Variants in GBE1 observed in about 807,000 individuals in gnomAD.
The protein encoded by GBE1 is 1,4-alpha-glucan branching enzyme 1, also known as 1,4-alpha-glucan-branching enzyme.
Under a neutral mutation model 88.8 loss-of-function variants are expected in GBE1, and 70 were observed. The ratio of observed to expected loss-of-function variants is 0.79; its 90% CI spans 0.65 to 0.96. The LOEUF (loss-of-function observed/expected upper bound fraction) is 0.96, where lower values mean the gene tolerates loss of function less well. GBE1 is among the 40% of genes least tolerant of loss of function. The pLI is 0.00. For synonymous variants in GBE1, 284 were observed against 300.1 expected, an observed-to-expected ratio of 0.95 and a Z score of 0.56; for missense variants, 872 against 871.0, an observed-to-expected ratio of 1.00 and a Z score of -0.01.
At position 81,642,974 on chromosome 3, in the gene GBE1, C is replaced by G; in HGVS notation, c.799G>C (p.Glu267Gln). The part of the protein sequence containing the change: ...FAASSRYGTP[E>Q]ELQELVDTAH... ...GTGTCTACCAGTTCTTGTAGCTCTTCAGGTGTTCCATAACGGCTAACAATG... is the reference window on the plus strand; with the variant it reads ...GTGTCTACCAGTTCTTGTAGCTCTTGAGGTGTTCCATAACGGCTAACAATG... The change falls in exon 7 of 16, where the codon GAA becomes CAA. Residue 267 changes from glutamate to glutamine, a missense_variant. By Grantham distance (29) the Glu-to-Gln change is conservative. Transcript: ENST00000429644. 1 of 1,609,448 alleles carries G rather than the reference C, an allele frequency of 6.2e-7. No homozygotes were observed. The highest frequency in any genetic ancestry group is 8.5e-7 in the Non-Finnish European group (1 of 1,177,158).
intron 1 of GBE1, among the ~76,000 whole-genome samples, chr3:81,760,704 C>T (rs1445736932): frequency 6.6e-6 from 1 of 152,190 alleles, no homozygotes; most frequent in Non-Finnish European, 1.5e-5. Context: ...ACGACATTGG[C>T]CTGTAAAAGT....
At chr3:81,718,380 A>G (rs2107186144) in intron 1 of GBE1, among the ~76,000 whole-genome samples, 1 of 152,356 alleles carries the variant, frequency 6.6e-6, no homozygotes, top group South Asian at 2.1e-4. Flanking sequence ...TATCTTATGG[A>G]GTACTTACTA....
chr3:81,731,890 T>C (rs1371532577), intron 1 of GBE1, among the ~76,000 whole-genome samples: 6 of 152,160 alleles, frequency 3.9e-5, no homozygotes, highest in African/African-American at 9.7e-5. Flanking sequence ...TATTTCTTTA[T>C]AGTAGTGTGA....
intron 12 of GBE1, among the ~76,000 whole-genome samples, chr3:81,568,787 T>C (rs979392281): frequency 1.3e-5 from 2 of 151,860 alleles, no homozygotes; most frequent in Non-Finnish European, 2.9e-5. Flanking sequence ...TGTGTGTGTA[T>C]ATATATATAT....
chr3:81,591,457 T>TA (rs1338194557), intron 8 of GBE1, among the ~76,000 whole-genome samples: 2 of 152,284 alleles, frequency 1.3e-5, no homozygotes, highest in Admixed American at 6.5e-5. Flanking sequence ...GAAATCATAC[T>TA]AAAGGGAATT....
At chr3:81,757,277 A>G (rs1299788576) in intron 1 of GBE1, among the ~76,000 whole-genome samples, 1 of 152,172 alleles carries the variant, frequency 6.6e-6, no homozygotes, top group Non-Finnish European at 1.5e-5. Context: ...GTCAACAGGG[A>G]CCAGATAATG....
chr3:81,528,622 T>C (rs1440870674), intron 14 of GBE1, among the ~76,000 whole-genome samples: 2 of 152,054 alleles, frequency 1.3e-5, no homozygotes, highest in East Asian at 3.9e-4. Flanking sequence ...TCTCTCTCTT[T>C]AGCTCTAATA....
At chr3:81,507,455 T>C (rs1702669607) in intron 14 of GBE1, among the ~76,000 whole-genome samples, 3 of 151,890 alleles carry the variant, frequency 2.0e-5, no homozygotes, top group African/African-American at 4.8e-5. Flanking sequence ...TCCCAGCTAC[T>C]TGGGAGGCTG....
intron 14 of GBE1, among the ~76,000 whole-genome samples, chr3:81,526,360 G>T (rs533907746): frequency 6.6e-6 from 1 of 151,236 alleles, no homozygotes; most frequent in South Asian, 2.1e-4. Flanking sequence ...AGTGTTGGAA[G>T]TTCTGGCCAG....
At position 81,599,231 on chromosome 3, in the gene GBE1, T is replaced by C. The variant is rs143250029; in HGVS notation, c.993-5208A>G. Among the ~76,000 whole-genome samples, 964 of 152,232 alleles carry C rather than the reference T, an allele frequency of 6.3e-3. 6 individuals carry two copies. Among genetic ancestry groups the C allele is most frequent in the African/African-American group, 0.018 (739 of 41,540 alleles). On this transcript the variant is annotated intron_variant, in intron 7 of 15. Coordinates refer to ENST00000429644, the MANE Select transcript of GBE1 (RefSeq NM_000158.4). ...CTAATTTAACCTGCATTCTTAAAAA[T>C]TGGTTATCTGCCACGTAAGATTCAC... is the stretch of plus-strand genomic sequence containing the variant.
rs145385050 is a variant in GBE1 at position 81,667,816 on chromosome 3, A to C, written c.429+3022T>G. 3.9e-3 allele frequency among the ~76,000 whole-genome samples: 596 copies of C among 152,278 alleles called. 11 individuals carry two copies. Among genetic ancestry groups the C allele is most frequent in the Admixed American group, 0.03 (462 of 15,294 alleles). On this transcript the variant is annotated intron_variant, in intron 3 of 15. Coordinates refer to ENST00000429644, the MANE Select transcript of GBE1 (RefSeq NM_000158.4). ...GAAACTAACTTGATCTTGATGGATA[A>C]GCTTTTCTGATGTGCTGCTGGATTC...
intron 12 of GBE1, among the ~76,000 whole-genome samples, chr3:81,575,247 T>C (rs1041027522): frequency 2.0e-5 from 3 of 151,982 alleles, no homozygotes; most frequent in Non-Finnish European, 2.9e-5. Context: ...CCTTCTATAT[T>C]CAATTATTTC....
intron 6 of GBE1, 55 bp from the exon 7 acceptor site, chr3:81,643,045 C>T: frequency 1.7e-6 from 2 of 1,172,748 alleles, no homozygotes; most frequent in Non-Finnish European, 2.5e-6. Flanking sequence ...GAGGAAACAG[C>T]CGATTGTGCA....
intron 12 of GBE1, among the ~76,000 whole-genome samples, chr3:81,564,051 C>T (rs1344574519): frequency 1.3e-5 from 2 of 152,060 alleles, no homozygotes; most frequent in Non-Finnish European, 2.9e-5. Context: ...AATGGAACAG[C>T]ATTAAGAGAT....
At chr3:81,535,858 A>G (rs1231299292) in intron 13 of GBE1, among the ~76,000 whole-genome samples, 1 of 152,052 alleles carries the variant, frequency 6.6e-6, no homozygotes, top group Admixed American at 6.6e-5. Context: ...TTTCTTAATA[A>G]AAAGATAAGG....
intron 1 of GBE1, among the ~76,000 whole-genome samples, chr3:81,718,504 T>A (rs1009656093): frequency 6.6e-6 from 1 of 151,990 alleles, no homozygotes; most frequent in Non-Finnish European, 1.5e-5. Flanking sequence ...ACTGAAGAGG[T>A]TAAGCAATCT....
chr3:81,706,624 C>T (rs561629114), intron 1 of GBE1, among the ~76,000 whole-genome samples: 4 of 152,194 alleles, frequency 2.6e-5, no homozygotes, highest in African/African-American at 9.6e-5. Context: ...AATCGAGGCA[C>T]GGGATGTCCA....
At chr3:81,644,956 T>C (rs1704743765) in intron 6 of GBE1, among the ~76,000 whole-genome samples, 1 of 152,080 alleles carries the variant, frequency 6.6e-6, no homozygotes, top group African/African-American at 2.4e-5. Flanking sequence ...CTTGAACAAC[T>C]AGAAGATGAA....
chr3:81,510,405 A>C (rs1323338933), intron 14 of GBE1, among the ~76,000 whole-genome samples: 1 of 152,110 alleles, frequency 6.6e-6, no homozygotes, highest in Non-Finnish European at 1.5e-5. Flanking sequence ...ATAGAAAATC[A>C]CAGTACAGGT....
Sources: allele counts gnomAD v4.1 joint callset (sites outside exome capture counted in the v4.1 genomes callset), GRCh38; gene constraint gnomAD v4.1.1; transcripts MANE v1.5; gene names NCBI Gene and HGNC (gene_info 2026-07-23, HGNC 2026-07-21).